Variants in AEBP2 observed in about 807,000 individuals in gnomAD.
The protein encoded by AEBP2 is zinc finger protein AEBP2.
In AEBP2, 10 loss-of-function variants were observed where a neutral mutation model predicts 50.8. The ratio of observed to expected loss-of-function variants is 0.20; its 90% CI spans 0.12 to 0.33. AEBP2 has a LOEUF of 0.33. AEBP2 is among the 10% of genes least tolerant of loss of function. The probability of loss-of-function intolerance (pLI) is 1.00; values close to 1 mark genes in which losing one functional copy is unlikely to be tolerated. For synonymous variants in AEBP2, 296 were observed against 261.3 expected (o/e 1.13, Z -1.28); for missense variants, 570 against 688.0 (o/e 0.83, Z 1.92).
chr12:19,408,503 T>G (rs1174951936), intron 1 of AEBP2, among the ~76,000 whole-genome samples: 1 of 148,974 alleles, frequency 6.7e-6, no homozygotes, highest in East Asian at 2.0e-4. Context: ...GAGCCGAGAT[T>G]GCACCACTGC....
chr12:19,411,950 C>G (rs1453670270), intron 1 of AEBP2, among the ~76,000 whole-genome samples: 2 of 152,226 alleles, frequency 1.3e-5, no homozygotes, highest in East Asian at 1.9e-4. Flanking sequence ...AAAGGTATGT[C>G]TGACTCTAAA....
rs888260647 is a variant in AEBP2, at chr12:19,423,806, G to A, written c.-17+19590G>A. Among the ~76,000 whole-genome samples, 21 of 151,976 alleles carry A rather than the reference G, an allele frequency of 1.4e-4. No individual in the cohort carries two copies. The South Asian group carries it at 1.5e-3, about 11-fold the overall frequency. On this transcript the variant is annotated intron_variant, in intron 1 of 3. Transcript: ENST00000538425. The stretch of plus-strand genomic sequence containing the variant: ...CAGTGAGCCGAGATTGCGCCACTGC[G>A]CTCCAGCCTGGGCGACAGAGTGAGA...
intron 1 of AEBP2, chr12:19,440,591 T>G (rs1237770569): frequency 3.4e-6 from 5 of 1,458,424 alleles, no homozygotes; most frequent in Non-Finnish European, 4.5e-6. Context: ...AACTCTCCTT[T>G]CCCCGCCCTC....
Position 19,421,070 on chromosome 12 carries a change from C to T in AEBP2, c.-17+16854C>T, listed in dbSNP as rs552974002. Among the ~76,000 whole-genome samples, 11 of 152,112 alleles carry T rather than the reference C, an allele frequency of 7.2e-5. No individual in the cohort carries two copies. In the South Asian group the frequency reaches 1.2e-3, roughly 17 times the overall value. On this transcript the variant is annotated intron_variant, in intron 1 of 3. Transcript: ENST00000538425. ...TTAGAATGGCTTGAGAGGGGTTGGGCGAGGTGACTCACACCTGTAATCCAA... is the reference window on the plus strand; with the variant it reads ...TTAGAATGGCTTGAGAGGGGTTGGGTGAGGTGACTCACACCTGTAATCCAA...
chr12:19,450,257 G>A (rs918224348), intron 1 of AEBP2, among the ~76,000 whole-genome samples: 1 of 151,936 alleles, frequency 6.6e-6, no homozygotes, highest in African/African-American at 2.4e-5. Context: ...ATTTGATGTT[G>A]TCATTGTTAG....
At chr12:19,518,053 T>C (rs752316059) in intron 7 of AEBP2, 34 bp from the exon 8 acceptor site, 8 of 1,575,072 alleles carry the variant, frequency 5.1e-6, no homozygotes, top group African/African-American at 1.4e-5. Context: ...TTTGATTCAG[T>C]TGAATAAAAG....
At chr12:19,513,414 ATAGAATAAATTTCATTGAAGGAGAT>A (rs1416856619) in intron 6 of AEBP2, among the ~76,000 whole-genome samples, 1 of 152,202 alleles carries the variant, frequency 6.6e-6, no homozygotes, top group Non-Finnish European at 1.5e-5. Flanking sequence ...AGCATCAAGA[ATAGAATAAATTTCATTGAAGGAGAT>A]TTCATTATGT....
intron 1 of AEBP2, among the ~76,000 whole-genome samples, chr12:19,426,886 G>A (rs1376743527): frequency 6.6e-6 from 1 of 152,074 alleles, no homozygotes; most frequent in Non-Finnish European, 1.5e-5. Flanking sequence ...GGGCAACAGA[G>A]CGAGACTCAA....
intron 3 of AEBP2, among the ~76,000 whole-genome samples, chr12:19,484,444 G>A (rs960731494): frequency 6.6e-6 from 1 of 151,052 alleles, no homozygotes; most frequent in Non-Finnish European, 1.5e-5. Flanking sequence ...GTGTGATCTC[G>A]GTTCACTGCA....
At chr12:19,457,012 A>G in intron 1 of AEBP2, 8 of 1,589,734 alleles carry the variant, frequency 5.0e-6, no homozygotes, top group Admixed American at 1.7e-5. Flanking sequence ...GAACCAAGGC[A>G]TGTTAAAACT....
intron 1 of AEBP2, among the ~76,000 whole-genome samples, chr12:19,429,781 G>C (rs1164472062): frequency 6.6e-6 from 1 of 151,578 alleles, no homozygotes; most frequent in Non-Finnish European, 1.5e-5. Flanking sequence ...GTCTTCTTTT[G>C]AGAAGTGTCT....
intron 7 of AEBP2, 147 bp from the exon 8 acceptor site, chr12:19,517,940 T>C: frequency 1.4e-6 from 1 of 693,278 alleles, no homozygotes; most frequent in Non-Finnish European, 2.2e-6. Context: ...TATAGATCCA[T>C]ATGTATAAAT....
At chr12:19,507,832 TTAG>T (rs1359934688) in intron 5 of AEBP2, among the ~76,000 whole-genome samples, 1 of 152,186 alleles carries the variant, frequency 6.6e-6, no homozygotes, top group Non-Finnish European at 1.5e-5. Context: ...ATCAATTCTG[TTAG>T]TAGTAAAAAA....
chr12:19,511,595 C>G (rs1949233218), intron 5 of AEBP2, among the ~76,000 whole-genome samples: 1 of 152,096 alleles, frequency 6.6e-6, no homozygotes, highest in South Asian at 2.1e-4. Context: ...TGGGAGGTAG[C>G]TTTGATGACT....
At chr12:19,435,234 C>A (rs552897582), upstream of AEBP2, among the ~76,000 whole-genome samples, 15 of 150,796 alleles carry the variant, frequency 9.9e-5, no homozygotes, top group Middle Eastern at 3.4e-3. Flanking sequence ...CTCAGGTGAT[C>A]CTCCCACCTC....
At position 19,439,564 on chromosome 12, in the gene AEBP2, C is replaced by G; in HGVS notation, c.-136C>G. ...TCCGTAGCGCGTGTGCAGGCTGACGCAGCTCGCGGGCCCTCCTCCTGCTCT... is the reference window on the plus strand; with the variant it reads ...TCCGTAGCGCGTGTGCAGGCTGACGGAGCTCGCGGGCCCTCCTCCTGCTCT... On this transcript the variant is annotated 5_prime_UTR_variant, in exon 1 of 8. Coordinates refer to ENST00000266508, the MANE Select transcript of AEBP2 (RefSeq NM_153207.5). 1 of 1,181,196 alleles carries G rather than the reference C, an allele frequency of 8.5e-7. No homozygotes were observed. The highest frequency in any genetic ancestry group is 1.6e-5 in the South Asian group (1 of 63,512). 73.2% of individuals were successfully genotyped at this position (1,181,196 alleles called of 1,614,324 possible).
chr12:19,465,490 A>G (rs1736244050), intron 2 of AEBP2, among the ~76,000 whole-genome samples: 1 of 152,200 alleles, frequency 6.6e-6, no homozygotes, highest in African/African-American at 2.4e-5. Context: ...CTATAAATGT[A>G]AAGGATCAAA....
intron 2 of AEBP2, among the ~76,000 whole-genome samples, chr12:19,471,570 TG>T (rs1388088789): frequency 1.3e-5 from 2 of 152,122 alleles, no homozygotes; most frequent in Non-Finnish European, 2.9e-5. Flanking sequence ...AGTGCCATCA[TG>T]GCTCACTGCA....
chr12:19,496,801 A>G (rs913089621), intron 4 of AEBP2, among the ~76,000 whole-genome samples: 3 of 151,300 alleles, frequency 2.0e-5, no homozygotes, highest in African/African-American at 7.3e-5. Flanking sequence ...AGCTTGGGCT[A>G]CAGGCACACA....
Sources: allele counts gnomAD v4.1 joint callset (sites outside exome capture counted in the v4.1 genomes callset), GRCh38; gene constraint gnomAD v4.1.1; transcripts MANE v1.5; gene names NCBI Gene and HGNC (gene_info 2026-07-23, HGNC 2026-07-21).